Variants in PPP2R3A observed in about 807,000 individuals in gnomAD.
PPP2R3A encodes serine/threonine-protein phosphatase 2A regulatory subunit B'' subunit alpha.
A neutral mutation model predicts 106.9 loss-of-function variants in PPP2R3A; 80 were observed. The observed-to-expected ratio is 0.75, with a 90% CI of 0.62 to 0.90. The LOEUF (loss-of-function observed/expected upper bound fraction) is 0.90, where lower values mean the gene tolerates loss of function less well. Among genes scored for constraint, PPP2R3A ranks in the 40% least tolerant of loss-of-function variants. The pLI is 0.00. For synonymous variants in PPP2R3A, 483 were observed against 468.3 expected, an observed-to-expected ratio of 1.03 and a Z score of -0.41; for missense variants, 1,386 against 1,350.4, an observed-to-expected ratio of 1.03 and a Z score of -0.41.
chr3:136,004,715 C>T (rs1933783045), intron 2 of PPP2R3A, among the ~76,000 whole-genome samples: 1 of 151,952 alleles, frequency 6.6e-6, no homozygotes, highest in Non-Finnish European at 1.5e-5. Flanking sequence ...ACACAAAATC[C>T]AATGTTAATG....
chr3:136,009,460 C>T (rs1009535903), intron 2 of PPP2R3A, among the ~76,000 whole-genome samples: 2 of 152,062 alleles, frequency 1.3e-5, no homozygotes, highest in African/African-American at 4.8e-5. Flanking sequence ...TGCCACTGTT[C>T]GAGTGTTTGA....
chr3:136,100,952 T>C (rs950416517), intron 10 of PPP2R3A, among the ~76,000 whole-genome samples: 1 of 152,168 alleles, frequency 6.6e-6, no homozygotes, highest in African/African-American at 2.4e-5. Context: ...TCTCAAAAAA[T>C]GTACCTGCCA....
At chr3:136,046,482 G>T (rs1935475217) in intron 4 of PPP2R3A, among the ~76,000 whole-genome samples, 1 of 151,450 alleles carries the variant, frequency 6.6e-6, no homozygotes, top group Non-Finnish European at 1.5e-5. Flanking sequence ...ATCCAGAAGA[G>T]ATTCCATACA....
chr3:135,969,680 A>G (rs937052944), intron 1 of PPP2R3A, among the ~76,000 whole-genome samples: 6 of 152,238 alleles, frequency 3.9e-5, no homozygotes, highest in African/African-American at 1.2e-4. Context: ...GCAGTAGCCT[A>G]CAGCTGAATC....
intron 2 of PPP2R3A, among the ~76,000 whole-genome samples, chr3:136,003,762 A>T (rs1933743882): frequency 6.6e-6 from 1 of 152,176 alleles, no homozygotes; most frequent in Non-Finnish European, 1.5e-5. Context: ...CTGTGACCAA[A>T]GAAAAATTAC....
rs1939074350 is a variant in PPP2R3A, at chr3:136,145,289, C to A, written c.*123C>A. On this transcript the variant is annotated 3_prime_UTR_variant, in exon 14 of 14. Transcript: ENST00000264977. ...TTTCTCCAAGTGTGTATCATCTGCA[C>A]TAGGAACTTTGTTTTTAAGCAATAG... 3 of 1,272,894 alleles carry A rather than the reference C, an allele frequency of 2.4e-6. No individual in the cohort carries two copies. Among genetic ancestry groups the A allele is most frequent in the Non-Finnish European group, 3.1e-6 (3 of 955,726 alleles). The allele number at this position is 1,272,894 out of a possible 1,614,324, so 78.8% of individuals were successfully genotyped here.
At chr3:136,018,867 G>A (rs1234465097) in intron 2 of PPP2R3A, among the ~76,000 whole-genome samples, 1 of 152,182 alleles carries the variant, frequency 6.6e-6, no homozygotes, top group Non-Finnish European at 1.5e-5. Flanking sequence ...TTCTTTTTGA[G>A]AAAGACTGTC....
intron 5 of PPP2R3A, among the ~76,000 whole-genome samples, chr3:136,058,257 T>C (rs1935945831): frequency 6.6e-6 from 1 of 152,154 alleles, no homozygotes; most frequent in Admixed American, 6.6e-5. Flanking sequence ...CATGATCCTA[T>C]ATTTCAAAAA....
At chr3:136,029,642 A>G (rs1934795289) in intron 3 of PPP2R3A, among the ~76,000 whole-genome samples, 1 of 152,238 alleles carries the variant, frequency 6.6e-6, no homozygotes, top group South Asian at 2.1e-4. Flanking sequence ...TAACATGGAG[A>G]AGTTTAAAAA....
chr3:136,096,518 G>C (rs921487414), intron 10 of PPP2R3A, among the ~76,000 whole-genome samples: 8 of 152,134 alleles, frequency 5.3e-5, no homozygotes, highest in African/African-American at 1.9e-4. Flanking sequence ...TAATCTCTCT[G>C]TCCTGGTTTT....
chr3:136,120,927 A>T (rs1431353639), intron 13 of PPP2R3A, among the ~76,000 whole-genome samples: 1 of 152,192 alleles, frequency 6.6e-6, no homozygotes, highest in African/African-American at 2.4e-5. Flanking sequence ...GTTAAAAAAA[A>T]ATCACAGATG....
intron 5 of PPP2R3A, among the ~76,000 whole-genome samples, chr3:136,065,703 A>G (rs1936243558): frequency 6.6e-6 from 1 of 152,188 alleles, no homozygotes; most frequent in African/African-American, 2.4e-5. Flanking sequence ...AACAAGGAGG[A>G]TCTCGCTCTG....
intron 2 of PPP2R3A, among the ~76,000 whole-genome samples, chr3:136,011,226 T>G (rs1934060888): frequency 6.6e-6 from 1 of 152,080 alleles, no homozygotes; most frequent in African/African-American, 2.4e-5. Context: ...TACTGTTTTT[T>G]TTTCCCCTAA....
chr3:136,095,574 A>G lies in PPP2R3A; in HGVS notation c.2927+4907A>G, dbSNP rs74928453. Among the ~76,000 whole-genome samples the G allele has an allele frequency of 4.0e-3, 616 of 152,238 alleles. 5 individuals carry two copies. Among genetic ancestry groups the G allele is most frequent in the African/African-American group, 0.012 (490 of 41,542 alleles). On this transcript the variant is annotated intron_variant, in intron 10 of 13. Transcript: ENST00000264977. ...TCTCCCAAACCTGGACTCTACCACT[A>G]TATGGCCTGTCATCCAGATGCCATT...
intron 13 of PPP2R3A, among the ~76,000 whole-genome samples, chr3:136,113,182 C>T (rs148764686): frequency 1.0e-5 from 1 of 96,216 alleles, no homozygotes; most frequent in Non-Finnish European, 2.0e-5. Context: ...AGCAAAACAA[C>T]AAAGCCAGGA....
At chr3:136,103,468 C>G in intron 12 of PPP2R3A, 92 bp downstream of exon 12, 1 of 860,488 alleles carries the variant, frequency 1.2e-6, no homozygotes, top group East Asian at 2.6e-5. Context: ...GCTGGAATTT[C>G]GGTAAAGAGG....
intron 4 of PPP2R3A, among the ~76,000 whole-genome samples, chr3:136,042,338 TG>T (rs1454149372): frequency 1.3e-5 from 2 of 151,946 alleles, no homozygotes; most frequent in Admixed American, 6.6e-5. Flanking sequence ...TGGGGCCTGT[TG>T]GGGTGGGGTG....
Position 136,078,380 on chromosome 3 carries a change from T to C in PPP2R3A, c.2558T>C (p.Ile853Thr), listed in dbSNP as rs757127408. 1.5e-5 allele frequency: 24 copies of C among 1,605,126 alleles called. No homozygotes were observed. Among genetic ancestry groups the C allele is most frequent in the Non-Finnish European group, 1.9e-5 (22 of 1,174,928 alleles). Residue 853 changes from isoleucine (I) to threonine (T), a missense_variant, in exon 7 of 14, where the codon ATA (isoleucine) becomes ACA (threonine). Coordinates refer to ENST00000264977, the MANE Select transcript of PPP2R3A (RefSeq NM_002718.5). ...SRYITTVIQR[I>T]FYTVNRSWSG... ...TTTTGGAACCAGGTTATTCAGAGAA[T>C]ATTCTACACAGTCAACAGATCTTGG...
intron 2 of PPP2R3A, among the ~76,000 whole-genome samples, chr3:136,016,778 A>G (rs942192918): frequency 9.9e-5 from 15 of 152,098 alleles, no homozygotes; most frequent in African/African-American, 3.6e-4. Flanking sequence ...ACCATTCTGC[A>G]TCTTTTAAGT....
Sources: gnomAD v4.1 joint callset for allele counts (sites outside exome capture counted in the v4.1 genomes callset) on GRCh38, gnomAD v4.1.1 for gene constraint, MANE v1.5 for transcripts, NCBI Gene and HGNC (gene_info 2026-07-23, HGNC 2026-07-21) for gene names.